Variants in ROBO1 observed in about 807,000 individuals in gnomAD.
ROBO1 encodes roundabout homolog 1.
A neutral mutation model predicts 195.9 loss-of-function variants in ROBO1; 149 were observed. The observed-to-expected ratio is 0.76, with a 90% CI of 0.67 to 0.87. The LOEUF (loss-of-function observed/expected upper bound fraction) is 0.87, where lower values mean the gene tolerates loss of function less well. Ranked by LOEUF, ROBO1 falls within the 40% of genes least tolerant of loss-of-function variation. ROBO1 has a pLI of 0.00. For missense variants in ROBO1, 1,933 were observed against 2,068.3 expected (o/e 0.93, Z 1.27); for synonymous variants, 816 against 733.2 (o/e 1.11, Z -1.82).
rs141401017 is a variant in ROBO1, at chr3:79,237,067, T to C, written c.89-111528A>G. Reference sequence around the variant, plus strand: ...GTTATAAATCATCTCAAAATACTAATACTATAAATGCTGCCATTAACAAAA... The same window carrying C: ...GTTATAAATCATCTCAAAATACTAACACTATAAATGCTGCCATTAACAAAA... On this transcript the variant is annotated intron_variant, in intron 2 of 30. Transcript: ENST00000464233. Among the ~76,000 whole-genome samples the C allele has an allele frequency of 3.2e-3, 483 of 152,274 alleles. 3 individuals carry two copies. The highest frequency in any genetic ancestry group is 0.011 in the African/African-American group (462 of 41,552).
chr3:79,700,528 C>T (rs184465764), intron 1 of ROBO1, among the ~76,000 whole-genome samples: 86 of 151,862 alleles, frequency 5.7e-4, no homozygotes, highest in Non-Finnish European at 9.6e-4. Flanking sequence ...TCTTCAACCT[C>T]GCCAGCATCT....
At position 78,894,200 on chromosome 3, in the gene ROBO1, T is replaced by C. The variant is rs1401376276; in HGVS notation, c.499+44401A>G. 2.0e-5 allele frequency among the ~76,000 whole-genome samples: 3 copies of C among 152,238 alleles called. No homozygotes were observed. In the East Asian group the frequency reaches 5.8e-4, roughly 29 times the overall value. Reference sequence around the variant, plus strand: ...ATATCTCCCTAAGCCAACACATCATTCATTTTCAGAGATCATGTGACAACT... The same window carrying C: ...ATATCTCCCTAAGCCAACACATCATCCATTTTCAGAGATCATGTGACAACT... On this transcript the variant is annotated intron_variant, in intron 4 of 30. Coordinates refer to ENST00000464233, the MANE Select transcript of ROBO1 (RefSeq NM_002941.4).
At chr3:79,521,652 A>G (rs751869360) in intron 2 of ROBO1, among the ~76,000 whole-genome samples, 4 of 152,180 alleles carry the variant, frequency 2.6e-5, no homozygotes, top group Non-Finnish European at 5.9e-5. Context: ...TCTGAAGTTG[A>G]TTTGTAGTGA....
chr3:79,010,481 T>C (rs778736089), intron 3 of ROBO1, among the ~76,000 whole-genome samples: 6 of 152,150 alleles, frequency 3.9e-5, no homozygotes, highest in Non-Finnish European at 8.8e-5. Context: ...CTGTAACTTT[T>C]AGGCATTATC....
At chr3:79,043,936 C>T (rs75948995) in intron 3 of ROBO1, among the ~76,000 whole-genome samples, 176 of 152,146 alleles carry the variant, frequency 1.2e-3, no homozygotes, top group African/African-American at 4.1e-3. Context: ...CACGATAATT[C>T]ACCTACAAAA....
intron 3 of ROBO1, among the ~76,000 whole-genome samples, chr3:79,121,369 G>T (rs1047108036): frequency 6.6e-6 from 1 of 152,016 alleles, no homozygotes; most frequent in Admixed American, 6.6e-5. Flanking sequence ...GACAAAACAA[G>T]GTTTTGGGAT....
intron 4 of ROBO1, among the ~76,000 whole-genome samples, chr3:78,857,104 G>T (rs2034491601): frequency 1.3e-5 from 2 of 152,026 alleles, no homozygotes; most frequent in Non-Finnish European, 2.9e-5. Context: ...TATTATTTAT[G>T]ACATTTATTC....
chr3:79,725,976 C>G (rs907033559), intron 1 of ROBO1, among the ~76,000 whole-genome samples: 17 of 151,818 alleles, frequency 1.1e-4, no homozygotes, highest in Non-Finnish European at 2.5e-4. Context: ...AGTTGTAGCT[C>G]TGGAACTTTA....
At chr3:79,652,872 A>T (rs1474603756) in intron 1 of ROBO1, among the ~76,000 whole-genome samples, 2 of 151,996 alleles carry the variant, frequency 1.3e-5, no homozygotes, top group Non-Finnish European at 2.9e-5. Flanking sequence ...TCTTTGAAAT[A>T]TTCTATTTCA....
chr3:79,173,621 C>T lies in ROBO1; in HGVS notation c.89-48082G>A, dbSNP rs558326872. ...TGAGCCTCCCCCACTCCATGGGCTC[C>T]GGCTCAGCCCGAGCCTCCCGGATGA... On this transcript the variant is annotated intron_variant, in intron 2 of 30. Coordinates refer to ENST00000464233, the MANE Select transcript of ROBO1 (RefSeq NM_002941.4). Among the ~76,000 whole-genome samples, 459 of 152,180 alleles carry T rather than the reference C, an allele frequency of 3.0e-3. 1 individual carries two copies. The highest frequency in any genetic ancestry group is 0.01 in the African/African-American group (429 of 41,542).
intron 1 of ROBO1, among the ~76,000 whole-genome samples, chr3:79,715,645 C>T (rs114688596): frequency 6.6e-6 from 1 of 151,934 alleles, no homozygotes. Context: ...GGTTTGGAAC[C>T]AAGTCTGTAG....
At chr3:78,971,966 C>G (rs1023455290) in intron 3 of ROBO1, among the ~76,000 whole-genome samples, 9 of 152,320 alleles carry the variant, frequency 5.9e-5, no homozygotes, top group African/African-American at 1.7e-4. Context: ...GGTGGTTTCA[C>G]TATGTTGGCC....
chr3:78,824,195 C>A (rs747871236), intron 4 of ROBO1, among the ~76,000 whole-genome samples: 4 of 152,108 alleles, frequency 2.6e-5, no homozygotes, highest in Non-Finnish European at 5.9e-5. Context: ...CCAATTCTTA[C>A]ATTAGTCAGT....
intron 1 of ROBO1, among the ~76,000 whole-genome samples, chr3:79,590,641 G>A (rs180735754): frequency 1.3e-5 from 2 of 151,844 alleles, no homozygotes. Flanking sequence ...AGGGAGAATT[G>A]ATCAAGCTTA....
At position 79,617,665 on chromosome 3, in the gene ROBO1, C is replaced by T. The variant is rs183791728; in HGVS notation, c.-50-27704G>A. Among the ~76,000 whole-genome samples the T allele has an allele frequency of 9.7e-4, 147 of 151,864 alleles. 1 individual carries two copies. Among genetic ancestry groups the T allele is most frequent in the African/African-American group, 3.4e-3 (143 of 41,472 alleles). On this transcript the variant is annotated intron_variant, in intron 1 of 30. Coordinates refer to ENST00000464233, the MANE Select transcript of ROBO1 (RefSeq NM_002941.4). ...CTTACAGTACAAAAACACAGTGATT[C>T]GCCACTCCCAAAGGATCACACTCTC...
intron 4 of ROBO1, among the ~76,000 whole-genome samples, chr3:78,895,701 C>G (rs1406482389): frequency 6.6e-6 from 1 of 152,196 alleles, no homozygotes; most frequent in East Asian, 1.9e-4. Flanking sequence ...AGTGAAGTCA[C>G]TGAACAGGAA....
At chr3:79,623,115 A>C (rs74861783) in intron 1 of ROBO1, among the ~76,000 whole-genome samples, 290 of 150,950 alleles carry the variant, frequency 1.9e-3, no homozygotes, top group African/African-American at 6.9e-3. Context: ...ACGAACCTAC[A>C]GAAAGCAGTA....
chr3:79,314,016 A>G (rs1031038871), intron 2 of ROBO1, among the ~76,000 whole-genome samples: 1 of 152,044 alleles, frequency 6.6e-6, no homozygotes, highest in African/African-American at 2.4e-5. Context: ...GTCTTTTTTG[A>G]TCTAAAATTA....
At chr3:78,989,264 T>A (rs970716161) in intron 3 of ROBO1, among the ~76,000 whole-genome samples, 6 of 152,230 alleles carry the variant, frequency 3.9e-5, no homozygotes, top group African/African-American at 1.2e-4. Context: ...CATTATTATG[T>A]AGCCCATGAA....
Sources: gnomAD v4.1 joint callset for allele counts (sites outside exome capture counted in the v4.1 genomes callset) on GRCh38, gnomAD v4.1.1 for gene constraint, MANE v1.5 for transcripts, NCBI Gene and HGNC (gene_info 2026-07-23, HGNC 2026-07-21) for gene names.